ANKS1B: variants seen among roughly 807,000 people sequenced by gnomAD.
ANKS1B encodes ankyrin repeat and sterile alpha motif domain-containing protein 1B.
In ANKS1B, 36 loss-of-function variants were observed where a neutral mutation model predicts 148.3. The ratio of observed to expected loss-of-function variants is 0.24; its 90% CI spans 0.19 to 0.32. The LOEUF is 0.32. ANKS1B is among the 10% of genes least tolerant of loss of function. The pLI is 1.00. For synonymous variants in ANKS1B, 542 were observed against 560.8 expected, an observed-to-expected ratio of 0.97 and a Z score of 0.47; for missense variants, 1,157 against 1,542.6, an observed-to-expected ratio of 0.75 and a Z score of 4.19.
At chr12:99,445,745 G>A (rs2095626752) in intron 10 of ANKS1B, among the ~76,000 whole-genome samples, 1 of 151,712 alleles carries the variant, frequency 6.6e-6, no homozygotes, top group East Asian at 1.9e-4. Context: ...TTTTGAGACA[G>A]GGTCTCACTA....
At chr12:99,542,207 T>TTG (rs2097132507) in intron 9 of ANKS1B, among the ~76,000 whole-genome samples, 1 of 152,144 alleles carries the variant, frequency 6.6e-6, no homozygotes, top group Non-Finnish European at 1.5e-5. Context: ...ATGGACAAGT[T>TTG]CAGCAAGTTT....
chr12:99,969,978 A>G (rs1175127586), intron 1 of ANKS1B, among the ~76,000 whole-genome samples: 2 of 148,834 alleles, frequency 1.3e-5, no homozygotes, highest in Non-Finnish European at 3.0e-5. Flanking sequence ...ATATAATTTT[A>G]TGTAAAAAAA....
intron 1 of ANKS1B, among the ~76,000 whole-genome samples, chr12:99,892,255 T>G (rs1002180238): frequency 4.6e-5 from 7 of 152,012 alleles, no homozygotes; most frequent in African/African-American, 1.4e-4. Context: ...TGCCCACCTC[T>G]GCCTCCCAAA....
chr12:98,742,733 G>A (rs538848950), downstream of ANKS1B, among the ~76,000 whole-genome samples: 21 of 152,364 alleles, frequency 1.4e-4, no homozygotes, highest in Non-Finnish European at 1.5e-5. Context: ...CGTCTCTGCC[G>A]GCTTTGGAAC....
Position 99,898,452 on chromosome 12 carries a change from A to G in ANKS1B, c.135-73063T>C, listed in dbSNP as rs905275436. ...CCCCAAGGAACAGCAAGAAAGAAGG[A>G]AGCTTTATAATAGATGAATTTATAG... is the stretch of plus-strand genomic sequence containing the variant. On this transcript the variant is annotated intron_variant, in intron 1 of 26. Transcript: ENST00000683438. Among the ~76,000 whole-genome samples, 31 of 152,310 alleles carry G rather than the reference A, an allele frequency of 2.0e-4. No homozygotes were observed. The South Asian group carries it at 5.2e-3, about 25-fold the overall frequency.
intron 10 of ANKS1B, among the ~76,000 whole-genome samples, chr12:99,493,895 C>T (rs2096578136): frequency 6.6e-6 from 1 of 152,048 alleles, no homozygotes; most frequent in Non-Finnish European, 1.5e-5. Flanking sequence ...ATAAGTATGT[C>T]GGAGTCTTCA....
At chr12:99,169,173 G>A (rs2077498257) in intron 14 of ANKS1B, among the ~76,000 whole-genome samples, 1 of 152,166 alleles carries the variant, frequency 6.6e-6, no homozygotes, top group Admixed American at 6.5e-5. Flanking sequence ...TAGCCTTGTG[G>A]AGAAAATGAG....
intron 8 of ANKS1B, among the ~76,000 whole-genome samples, chr12:99,723,968 A>AC (rs2058362193): frequency 6.6e-6 from 1 of 151,802 alleles, no homozygotes; most frequent in South Asian, 2.1e-4. Flanking sequence ...ATCAGCAAAA[A>AC]GTGTCTCCCC....
chr12:99,205,976 T>G (rs2082622455), intron 14 of ANKS1B, among the ~76,000 whole-genome samples: 1 of 152,162 alleles, frequency 6.6e-6, no homozygotes. Flanking sequence ...GTCAAAGGCA[T>G]CTCAGTGCCA....
chr12:98,983,312 T>A (rs923786282), intron 17 of ANKS1B, among the ~76,000 whole-genome samples: 2 of 152,188 alleles, frequency 1.3e-5, no homozygotes, highest in African/African-American at 4.8e-5. Context: ...TGTTAGCTGC[T>A]AAGGACCACT....
chr12:99,322,730 T>G (rs56192532), intron 12 of ANKS1B, among the ~76,000 whole-genome samples: 6,072 of 152,246 alleles, frequency 0.04, 380 homozygotes, highest in African/African-American at 0.13. Flanking sequence ...TGATATGGTT[T>G]GGCTGTGTCC....
intron 14 of ANKS1B, chr12:99,154,959 C>G: frequency 6.5e-7 from 1 of 1,535,422 alleles, no homozygotes; most frequent in Non-Finnish European, 8.7e-7. Context: ...CTGCTGCTTC[C>G]TCCTACACAC....
At chr12:98,989,908 GGAAA>G (rs112118609) in intron 17 of ANKS1B, among the ~76,000 whole-genome samples, 2,415 of 136,804 alleles carry the variant, frequency 0.018, 27 homozygotes, top group Middle Eastern at 0.034. Flanking sequence ...AAAGGAAGAA[GGAAA>G]GAAAGAAAGA....
At chr12:99,880,344 C>A (rs2092400711) in intron 1 of ANKS1B, among the ~76,000 whole-genome samples, 1 of 152,102 alleles carries the variant, frequency 6.6e-6, no homozygotes. Context: ...GGTCACACGG[C>A]CAAAAGTAGA....
chr12:99,617,814 A>T (rs1323038297), intron 9 of ANKS1B, among the ~76,000 whole-genome samples: 2 of 152,100 alleles, frequency 1.3e-5, no homozygotes, highest in Admixed American at 1.3e-4. Context: ...ATTTAAAAAA[A>T]AAAACAAAAC....
intron 9 of ANKS1B, among the ~76,000 whole-genome samples, chr12:99,548,567 A>G (rs577687220): frequency 4.3e-4 from 66 of 152,206 alleles, no homozygotes; most frequent in African/African-American, 1.5e-3. Context: ...TCAGATATTA[A>G]CTTCTTTAAA....
At chr12:99,071,609 T>A (rs1378430445) in intron 16 of ANKS1B, among the ~76,000 whole-genome samples, 1 of 152,042 alleles carries the variant, frequency 6.6e-6, no homozygotes, top group Non-Finnish European at 1.5e-5. Flanking sequence ...GACAGGAAGA[T>A]CTCTCTGTAT....
intron 14 of ANKS1B, among the ~76,000 whole-genome samples, chr12:99,243,302 A>T (rs1298937770): frequency 1.3e-5 from 2 of 152,248 alleles, no homozygotes; most frequent in African/African-American, 4.8e-5. Context: ...GTCATCAGAG[A>T]AATGCAAATC....
chr12:99,690,700 C>G (rs1164323702), intron 8 of ANKS1B, among the ~76,000 whole-genome samples: 1 of 152,194 alleles, frequency 6.6e-6, no homozygotes, highest in Admixed American at 6.5e-5. Flanking sequence ...TGTGGCTCTG[C>G]AGGGTACAGC....
Sources: allele counts gnomAD v4.1 joint callset (sites outside exome capture counted in the v4.1 genomes callset), GRCh38; gene constraint gnomAD v4.1.1; transcripts MANE v1.5; gene names NCBI Gene and HGNC (gene_info 2026-07-23, HGNC 2026-07-21).